Variants in SCOC observed in about 807,000 individuals in gnomAD.
The protein encoded by SCOC is short coiled coil protein.
In SCOC, 7 loss-of-function variants were observed where a neutral mutation model predicts 9.9. The observed-to-expected ratio is 0.71, with a 90% CI of 0.40 to 1.33. The LOEUF is 1.33. Among genes scored for constraint, SCOC ranks in the 40% most tolerant of loss-of-function variants. The probability of loss-of-function intolerance (pLI) is 0.01; values close to 1 mark genes in which losing one functional copy is unlikely to be tolerated. For missense variants in SCOC, 66 were observed against 89.7 expected (o/e 0.74, Z 1.07); for synonymous variants, 19 against 28.2 (o/e 0.67, Z 1.03).
At chr4:140,361,625 C>T (rs1199928389) in intron 2 of SCOC, among the ~76,000 whole-genome samples, 1 of 152,148 alleles carries the variant, frequency 6.6e-6, no homozygotes, top group South Asian at 2.1e-4. Context: ...TGCCACTGCA[C>T]TCCAGCCTTG....
intron 1 of SCOC, among the ~76,000 whole-genome samples, chr4:140,324,801 G>C (rs1387990487): frequency 6.6e-6 from 1 of 151,892 alleles, no homozygotes; most frequent in Non-Finnish European, 1.5e-5. Context: ...TCAAAATCCA[G>C]TAAGCTTTTT....
chr4:140,333,012 T>A (rs2126497360), intron 1 of SCOC, among the ~76,000 whole-genome samples: 1 of 152,272 alleles, frequency 6.6e-6, no homozygotes, highest in South Asian at 2.1e-4. Context: ...CCTGTGAGGC[T>A]CTACATGGTC....
intron 1 of SCOC, among the ~76,000 whole-genome samples, chr4:140,274,246 CATAGATT>C (rs1340622285): frequency 1.3e-5 from 2 of 152,128 alleles, no homozygotes; most frequent in Admixed American, 1.3e-4. Flanking sequence ...TAGAAATAGA[CATAGATT>C]ATGAGAAAGG....
rs932155563 is a variant in SCOC at position 140,383,772 on chromosome 4, A to G, written c.*2668A>G. On this transcript the variant is annotated 3_prime_UTR_variant, in exon 4 of 4. Transcript: ENST00000608372. ...GTTTCTGTGGAATACGATTCTCTCA[A>G]AAACTCAAGCCTTTTTATCAGTGTG... 2.0e-5 allele frequency: 3 copies of G among 152,222 alleles called. No homozygotes were observed. The highest frequency in any genetic ancestry group is 7.2e-5 in the African/African-American group (3 of 41,462). 9.4% of individuals were successfully genotyped at this position (152,222 alleles called of 1,614,324 possible). A position where few individuals can be genotyped will look rare whatever the true frequency, so the allele number is the denominator to read the frequency against.
intron 1 of SCOC, among the ~76,000 whole-genome samples, chr4:140,331,760 A>C (rs773697172): frequency 6.6e-6 from 1 of 152,114 alleles, no homozygotes; most frequent in African/African-American, 2.4e-5. Context: ...CCTAGCTTCT[A>C]TCCTAAACTC....
chr4:140,325,805 T>G (rs1041103598), intron 1 of SCOC, among the ~76,000 whole-genome samples: 3 of 152,134 alleles, frequency 2.0e-5, no homozygotes, highest in African/African-American at 7.2e-5. Flanking sequence ...ACTTACCACA[T>G]GATCCAGAAA....
At chr4:140,348,520 G>A (rs1726836461) in intron 2 of SCOC, among the ~76,000 whole-genome samples, 1 of 150,378 alleles carries the variant, frequency 6.6e-6, no homozygotes, top group Non-Finnish European at 1.5e-5. Context: ...GTATGTGTGT[G>A]TGTGAGTGTG....
At position 140,381,789 on chromosome 4, in the gene SCOC, TA is replaced by T. The variant is rs1728581821; in HGVS notation, c.*690del. The T allele has an allele frequency of 6.6e-6, 1 of 152,220 alleles. No homozygotes were observed. Among genetic ancestry groups the T allele is most frequent in the South Asian group, 2.1e-4 (1 of 4,834 alleles). 9.4% of individuals were successfully genotyped at this position (152,220 alleles called of 1,614,324 possible). On this transcript the variant is annotated 3_prime_UTR_variant, in exon 4 of 4. Transcript: ENST00000608372. ...GAATTAACTTGGGAATATTTGTTGTTAAAAACTTCTTTTTGCCCAAAATAAC... is the reference window on the plus strand; with the variant it reads ...GAATTAACTTGGGAATATTTGTTGTTAAAACTTCTTTTTGCCCAAAATAAC...
intron 2 of SCOC, among the ~76,000 whole-genome samples, chr4:140,345,114 G>C (rs893296398): frequency 3.3e-5 from 5 of 152,184 alleles, no homozygotes; most frequent in African/African-American, 9.7e-5. Context: ...CACTGGTTTT[G>C]AGAAGGGCTG....
At chr4:140,362,313 T>TCTCCTTCTCC (rs1727594134) in intron 2 of SCOC, among the ~76,000 whole-genome samples, 1 of 84,228 alleles carries the variant, frequency 1.2e-5, no homozygotes, top group South Asian at 3.5e-4. Context: ...TTTTTTTTTT[T>TCTCCTTCTCC]TTGTGAGAGT....
intron 2 of SCOC, chr4:140,366,694 T>C: frequency 6.3e-7 from 1 of 1,591,954 alleles, no homozygotes; most frequent in Admixed American, 1.7e-5. Flanking sequence ...ATCAGTGAGC[T>C]GCATGCACTT....
At chr4:140,305,036 AGCTCGTCTCT>A (rs1731926602) in intron 1 of SCOC, among the ~76,000 whole-genome samples, 1 of 152,186 alleles carries the variant, frequency 6.6e-6, no homozygotes. Flanking sequence ...TTCAGGCATG[AGCTCGTCTCT>A]GCCACAGATG....
At chr4:140,283,438 T>C (rs1190520385) in intron 1 of SCOC, among the ~76,000 whole-genome samples, 1 of 152,214 alleles carries the variant, frequency 6.6e-6, no homozygotes, top group African/African-American at 2.4e-5. Flanking sequence ...TCTGATTACT[T>C]TTTCCTATAA....
chr4:140,306,382 C>G (rs528021823), intron 1 of SCOC, among the ~76,000 whole-genome samples: 1 of 152,250 alleles, frequency 6.6e-6, no homozygotes, highest in Admixed American at 6.5e-5. Context: ...GGTGGCAACA[C>G]AGTCAAACCA....
At chr4:140,334,854 C>A (rs1331884577) in intron 1 of SCOC, among the ~76,000 whole-genome samples, 1 of 152,134 alleles carries the variant, frequency 6.6e-6, no homozygotes, top group African/African-American at 2.4e-5. Flanking sequence ...GTAATCCCAG[C>A]ACTTTGAGAG....
intron 1 of SCOC, among the ~76,000 whole-genome samples, chr4:140,301,642 G>A (rs1023607794): frequency 1.5e-4 from 23 of 152,164 alleles, no homozygotes; most frequent in Admixed American, 1.5e-3. Flanking sequence ...TTCTTGATCA[G>A]TCTTGCCTGG....
At chr4:140,373,999 C>G (rs1030119534) in intron 1 of SCOC, 3 of 608,390 alleles carry the variant, frequency 4.9e-6, no homozygotes, top group Middle Eastern at 2.5e-4. Flanking sequence ...GTGTAGCTTT[C>G]TCCCCGCAGC....
intron 1 of SCOC, among the ~76,000 whole-genome samples, chr4:140,318,149 C>T (rs1732387096): frequency 6.7e-6 from 1 of 150,226 alleles, no homozygotes; most frequent in African/African-American, 2.5e-5. Flanking sequence ...TAGGCATTAC[C>T]ATTCAGGACA....
At chr4:140,366,412 A>T in intron 2 of SCOC, 2 of 1,313,748 alleles carry the variant, frequency 1.5e-6, no homozygotes, top group Non-Finnish European at 2.1e-6. Flanking sequence ...CAGCAGCTGC[A>T]GCAGCAGTAG....
Sources: gnomAD v4.1 joint callset for allele counts (sites outside exome capture counted in the v4.1 genomes callset) on GRCh38, gnomAD v4.1.1 for gene constraint, MANE v1.5 for transcripts, NCBI Gene and HGNC (gene_info 2026-07-23, HGNC 2026-07-21) for gene names.